PAPPA2: variants seen among roughly 807,000 people sequenced by gnomAD.
PAPPA2 encodes pappalysin 2, also known as pappalysin-2.
In PAPPA2, 86 loss-of-function variants were observed where a neutral mutation model predicts 176.4. That is an observed-to-expected ratio of 0.49 (90% CI 0.41 to 0.58). The LOEUF (loss-of-function observed/expected upper bound fraction) is 0.58. Ranked by LOEUF, PAPPA2 falls within the 20% of genes least tolerant of loss-of-function variation. PAPPA2 has a pLI of 0.00. For synonymous variants in PAPPA2, 809 were observed against 852.2 expected (o/e 0.95, Z 0.88); for missense variants, 2,073 against 2,256.9 (o/e 0.92, Z 1.65).
chr1:176,727,633 T>A (rs1415808733), intron 12 of PAPPA2, among the ~76,000 whole-genome samples: 1 of 152,032 alleles, frequency 6.6e-6, no homozygotes, highest in East Asian at 1.9e-4. Flanking sequence ...TTTTCACCTA[T>A]CTGTTAGTAA....
chr1:176,830,216 T>G (rs898885053), intron 21 of PAPPA2, among the ~76,000 whole-genome samples: 2 of 152,088 alleles, frequency 1.3e-5, no homozygotes, highest in African/African-American at 4.8e-5. Context: ...AAAAATAAAT[T>G]TTTAAAAACA....
intron 14 of PAPPA2, among the ~76,000 whole-genome samples, chr1:176,758,518 C>T (rs1184932920): frequency 6.6e-6 from 1 of 152,208 alleles, no homozygotes. Flanking sequence ...CTACTCCTAT[C>T]TGCTGCCAAA....
At chr1:176,811,418 C>T (rs567463635) in intron 21 of PAPPA2, among the ~76,000 whole-genome samples, 2 of 152,242 alleles carry the variant, frequency 1.3e-5, no homozygotes, top group African/African-American at 2.4e-5. Flanking sequence ...TCTCAGAAGG[C>T]ACATCTTCAG....
intron 14 of PAPPA2, among the ~76,000 whole-genome samples, chr1:176,751,106 C>T (rs1183840045): frequency 2.0e-5 from 3 of 151,562 alleles, no homozygotes; most frequent in Non-Finnish European, 2.9e-5. Context: ...GAATCCTTTC[C>T]CCATTGCTTG....
chr1:176,812,098 C>G (rs1666174164), intron 21 of PAPPA2, among the ~76,000 whole-genome samples: 1 of 152,036 alleles, frequency 6.6e-6, no homozygotes, highest in Non-Finnish European at 1.5e-5. Flanking sequence ...CTTTTGTCCT[C>G]TTGGCCTTCT....
chr1:176,752,446 T>C (rs1450392787), intron 14 of PAPPA2, among the ~76,000 whole-genome samples: 1 of 150,974 alleles, frequency 6.6e-6, no homozygotes, highest in Non-Finnish European at 1.5e-5. Context: ...AAACTGAACA[T>C]ATACATATAA....
chr1:176,704,668 GA>G (rs1435043146), intron 9 of PAPPA2, among the ~76,000 whole-genome samples: 1 of 151,922 alleles, frequency 6.6e-6, no homozygotes, highest in Non-Finnish European at 1.5e-5. Context: ...AGTATATTTG[GA>G]ACAACTTGGG....
At chr1:176,707,257 G>A (rs1020990749) in intron 10 of PAPPA2, among the ~76,000 whole-genome samples, 1 of 152,170 alleles carries the variant, frequency 6.6e-6, no homozygotes, top group Non-Finnish European at 1.5e-5. Flanking sequence ...TTACAATTAT[G>A]TATAATTTAT....
chr1:176,622,829 T>A (rs1323866957), intron 3 of PAPPA2, among the ~76,000 whole-genome samples: 1 of 152,202 alleles, frequency 6.6e-6, no homozygotes, highest in African/African-American at 2.4e-5. Flanking sequence ...TACATTAGAC[T>A]GAGTAATTTA....
At chr1:176,677,598 A>G (rs1252435806) in intron 4 of PAPPA2, among the ~76,000 whole-genome samples, 2 of 152,196 alleles carry the variant, frequency 1.3e-5, no homozygotes, top group Non-Finnish European at 1.5e-5. Flanking sequence ...CTTTAAAAGC[A>G]GAACACTTAA....
intron 14 of PAPPA2, among the ~76,000 whole-genome samples, chr1:176,757,408 G>A (rs1247236212): frequency 6.6e-6 from 1 of 152,114 alleles, no homozygotes. Flanking sequence ...TCTAACTGGC[G>A]TGAGATGGTA....
At chr1:176,464,346 C>T (rs1359643321) in intron 1 of PAPPA2, among the ~76,000 whole-genome samples, 1 of 152,176 alleles carries the variant, frequency 6.6e-6, no homozygotes, top group African/African-American at 2.4e-5. Flanking sequence ...ATTCTATCTA[C>T]TCATTCTTTC....
At chr1:176,788,503 G>T (rs567472940) in intron 17 of PAPPA2, among the ~76,000 whole-genome samples, 2 of 152,170 alleles carry the variant, frequency 1.3e-5, no homozygotes, top group Non-Finnish European at 2.9e-5. Flanking sequence ...TGGCCAAAGG[G>T]TTATTCATAT....
intron 3 of PAPPA2, among the ~76,000 whole-genome samples, chr1:176,665,944 A>G: frequency 6.6e-6 from 1 of 152,202 alleles, no homozygotes. Context: ...GAAAAGAATA[A>G]GAATCTAATC....
chr1:176,513,620 G>T (rs564615511), intron 1 of PAPPA2, among the ~76,000 whole-genome samples: 49 of 152,284 alleles, frequency 3.2e-4, no homozygotes, highest in Non-Finnish European at 6.3e-4. Flanking sequence ...GGTCCAGTTG[G>T]CCAATCTCTC....
At chr1:176,563,725 C>A (rs897513179) in intron 2 of PAPPA2, among the ~76,000 whole-genome samples, 1 of 152,174 alleles carries the variant, frequency 6.6e-6, no homozygotes, top group African/African-American at 2.4e-5. Context: ...TGGCAATACA[C>A]CTGGCAGCAG....
At chr1:176,658,745 G>A (rs1462294921) in intron 3 of PAPPA2, among the ~76,000 whole-genome samples, 2 of 152,010 alleles carry the variant, frequency 1.3e-5, no homozygotes, top group African/African-American at 4.8e-5. Flanking sequence ...AGTGGTGCTG[G>A]CCATACCTGG....
At chr1:176,834,692 G>A (rs1231985080) in intron 21 of PAPPA2, among the ~76,000 whole-genome samples, 1 of 152,164 alleles carries the variant, frequency 6.6e-6, no homozygotes, top group African/African-American at 2.4e-5. Flanking sequence ...GTTGTGGGCT[G>A]GGTGTGGTGG....
chr1:176,492,726 A>G (rs1647357375), intron 1 of PAPPA2, among the ~76,000 whole-genome samples: 1 of 152,174 alleles, frequency 6.6e-6, no homozygotes, highest in Non-Finnish European at 1.5e-5. Flanking sequence ...ATAATCATAA[A>G]GTAATCATAA....
Sources: gnomAD v4.1 joint callset for allele counts (sites outside exome capture counted in the v4.1 genomes callset) on GRCh38, gnomAD v4.1.1 for gene constraint, MANE v1.5 for transcripts, NCBI Gene and HGNC (gene_info 2026-07-23, HGNC 2026-07-21) for gene names.